Variants in TLN2 observed in about 807,000 individuals in gnomAD.
TLN2 encodes talin 2.
In TLN2, 118 loss-of-function variants were observed where a neutral mutation model predicts 294.7. The observed-to-expected ratio is 0.40, with a 90% confidence interval of 0.34 to 0.47. The LOEUF is 0.47. Among genes scored for constraint, TLN2 ranks in the 20% least tolerant of loss-of-function variants. The pLI is 0.84. For missense variants in TLN2, 3,083 were observed against 3,282.2 expected, an observed-to-expected ratio of 0.94 and a Z score of 1.48; for synonymous variants, 1,431 against 1,304.5, an observed-to-expected ratio of 1.10 and a Z score of -2.09.
intron 1 of TLN2, among the ~76,000 whole-genome samples, chr15:62,523,827 G>C (rs1449383238): frequency 2.0e-5 from 3 of 152,178 alleles, no homozygotes; most frequent in African/African-American, 7.2e-5. Context: ...AACCAATTAA[G>C]TTAGAAATTA....
chr15:62,470,842 A>C (rs982512446), intron 1 of TLN2, among the ~76,000 whole-genome samples: 4 of 152,260 alleles, frequency 2.6e-5, no homozygotes, highest in Non-Finnish European at 4.4e-5. Context: ...GAACATATCA[A>C]GACAAAAAGG....
At chr15:62,669,998 C>A (rs898925553) in intron 9 of TLN2, among the ~76,000 whole-genome samples, 1 of 152,170 alleles carries the variant, frequency 6.6e-6, no homozygotes, top group African/African-American at 2.4e-5. Context: ...GAGGCAGATT[C>A]GGATGGGCTG....
rs144242507 is a variant in TLN2 at position 62,751,648 on chromosome 15, C to T, written c.4210-657C>T. On this transcript the variant is annotated intron_variant, in intron 34 of 58. Coordinates refer to ENST00000636159, the MANE Select transcript of TLN2 (RefSeq NM_015059.3). ...TGCCAAGGAAAATATGACCAGCCCT[C>T]CTGGGGCATAATGAGGGAACACCAA... Among the ~76,000 whole-genome samples the T allele has an allele frequency of 6.6e-4, 101 of 152,306 alleles. 1 individual carries two copies. The East Asian group carries it at 0.016, about 24-fold the overall frequency.
At chr15:62,779,871 C>G (rs1225139981) in intron 43 of TLN2, among the ~76,000 whole-genome samples, 1 of 152,232 alleles carries the variant, frequency 6.6e-6, no homozygotes, top group African/African-American at 2.4e-5. Flanking sequence ...GCAGCCACAT[C>G]ACGCATAGGC....
rs544961851 is a variant in TLN2, at chr15:62,665,287, C to T, written c.788+7389C>T. On this transcript the variant is annotated intron_variant, in intron 9 of 58. Coordinates refer to ENST00000636159, the MANE Select transcript of TLN2 (RefSeq NM_015059.3). The stretch of plus-strand genomic sequence containing the variant: ...CTGGTCTCGAACTCCTGGGTTCAAG[C>T]GATCCACCCTCTTCAGCCTCCCAAA... 2.8e-4 allele frequency among the ~76,000 whole-genome samples: 42 copies of T among 152,140 alleles called. No individual in the cohort carries two copies. The South Asian group carries it at 8.3e-3, about 30-fold the overall frequency.
chr15:62,782,716 ATC>A (rs1173646893), intron 44 of TLN2, among the ~76,000 whole-genome samples: 1 of 152,222 alleles, frequency 6.6e-6, no homozygotes, highest in African/African-American at 2.4e-5. Flanking sequence ...TGGCGGCCAC[ATC>A]TCAGCCTGAA....
intron 1 of TLN2, among the ~76,000 whole-genome samples, chr15:62,440,928 A>G (rs976779571): frequency 1.4e-4 from 22 of 152,196 alleles, no homozygotes; most frequent in South Asian, 4.1e-4. Context: ...GGCTATTTCT[A>G]TCCTGGAAAA....
chr15:62,812,660 C>T (rs944196355), intron 52 of TLN2, among the ~76,000 whole-genome samples: 18 of 152,346 alleles, frequency 1.2e-4, no homozygotes, highest in African/African-American at 3.4e-4. Flanking sequence ...CGACTCTAAA[C>T]CCTATCCCAG....
At chr15:62,740,194 A>G (rs1471459656) in intron 31 of TLN2, among the ~76,000 whole-genome samples, 1 of 152,170 alleles carries the variant, frequency 6.6e-6, no homozygotes, top group Non-Finnish European at 1.5e-5. Flanking sequence ...TCAGGGATGC[A>G]GTCAGCTCTG....
chr15:62,604,836 C>T (rs930931242), intron 2 of TLN2, among the ~76,000 whole-genome samples: 9 of 151,822 alleles, frequency 5.9e-5, no homozygotes, highest in Non-Finnish European at 1.2e-4. Context: ...GCAAGCCTAC[C>T]ATCCTGTAGC....
intron 3 of TLN2, among the ~76,000 whole-genome samples, chr15:62,630,681 T>C (rs2049716547): frequency 6.6e-6 from 1 of 152,154 alleles, no homozygotes; most frequent in Admixed American, 6.5e-5. Flanking sequence ...CATGACCTGG[T>C]GATTTGAGTT....
intron 45 of TLN2, among the ~76,000 whole-genome samples, chr15:62,788,138 C>T (rs2064826439): frequency 6.6e-6 from 1 of 151,624 alleles, no homozygotes; most frequent in Non-Finnish European, 1.5e-5. Flanking sequence ...TGGCGAAACC[C>T]TGTCTCTACT....
At chr15:62,450,972 C>T (rs2036103562) in intron 1 of TLN2, among the ~76,000 whole-genome samples, 1 of 145,052 alleles carries the variant, frequency 6.9e-6, no homozygotes, top group Non-Finnish European at 1.5e-5. Context: ...CTGGAGTTCT[C>T]TCTCTTTTTT....
At chr15:62,778,948 T>G (rs1365404897) in intron 43 of TLN2, among the ~76,000 whole-genome samples, 1 of 152,250 alleles carries the variant, frequency 6.6e-6, no homozygotes, top group Non-Finnish European at 1.5e-5. Context: ...ACGTTTCAGG[T>G]CCTTTGGGTC....
At chr15:62,713,660 T>C (rs901207307) in intron 22 of TLN2, among the ~76,000 whole-genome samples, 15 of 151,814 alleles carry the variant, frequency 9.9e-5, no homozygotes, top group South Asian at 6.2e-4. Context: ...TCCCGGGAGA[T>C]ACTGCAAGAC....
intron 1 of TLN2, among the ~76,000 whole-genome samples, chr15:62,505,971 C>T (rs1339728649): frequency 6.6e-6 from 1 of 152,110 alleles, no homozygotes; most frequent in East Asian, 1.9e-4. Context: ...ATCATTCTTT[C>T]CTTTATTCTA....
chr15:62,664,878 A>AAAAAAAAAAAT (rs2054391831), intron 9 of TLN2, among the ~76,000 whole-genome samples: 2 of 145,870 alleles, frequency 1.4e-5, no homozygotes, highest in Non-Finnish European at 3.0e-5. Context: ...AAAAAAAAAA[A>AAAAAAAAAAAT]GTGGCTACCT....
In TLN2 at chr15:62,839,080, T is replaced by C. The variant is rs112237070; in HGVS notation, c.7500+99T>C. 2.8e-4 allele frequency: 413 copies of C among 1,465,304 alleles called. 2 individuals carry two copies. In the African/African-American group the frequency reaches 5.0e-3, roughly 18 times the overall value. 90.8% of individuals were successfully genotyped at this position (1,465,304 alleles called of 1,614,324 possible). A position where few individuals can be genotyped will look rare whatever the true frequency, so the allele number is the denominator to read the frequency against. ...TGACTTCAAGATGAAAGTTTATTTC[T>C]TCCTCGTGTACCAGAGATGGTGTGG... is the stretch of plus-strand genomic sequence containing the variant. On this transcript the variant is annotated intron_variant, in intron 58 of 58. Transcript: ENST00000636159.
chr15:62,531,280 G>T (rs1481818375), intron 1 of TLN2, among the ~76,000 whole-genome samples: 1 of 152,186 alleles, frequency 6.6e-6, no homozygotes, highest in Non-Finnish European at 1.5e-5. Context: ...AACTTGGGTA[G>T]AATTGGAGAA....
Sources: gnomAD v4.1 joint callset for allele counts (sites outside exome capture counted in the v4.1 genomes callset) on GRCh38, gnomAD v4.1.1 for gene constraint, MANE v1.5 for transcripts, NCBI Gene and HGNC (gene_info 2026-07-23, HGNC 2026-07-21) for gene names.